The following ADAMTSL1 variants were observed in gnomAD, a reference collection of about 807,000 sequenced individuals.
The protein encoded by ADAMTSL1 is ADAMTS-like protein 1.
ADAMTSL1 carries 126 observed loss-of-function variants against 201.8 expected under a neutral mutation model. That is an observed-to-expected ratio of 0.62 (90% confidence interval 0.54 to 0.72). The LOEUF (loss-of-function observed/expected upper bound fraction) is 0.72, where lower values mean the gene tolerates loss of function less well. Ranked by LOEUF, ADAMTSL1 falls within the 30% of genes least tolerant of loss-of-function variation. The pLI is 0.00. For synonymous variants in ADAMTSL1, 1,121 were observed against 903.4 expected (o/e 1.24, Z -4.32); for missense variants, 2,679 against 2,277.8 (o/e 1.18, Z -3.59).
chr9:18,414,314 G>A (rs554332107), intron 2 of ADAMTSL1, among the ~76,000 whole-genome samples: 2 of 152,204 alleles, frequency 1.3e-5, no homozygotes, highest in African/African-American at 4.8e-5. Flanking sequence ...TACTGTAATG[G>A]AAAAGTAATC....
At chr9:18,284,775 T>C (rs1315356423) in intron 2 of ADAMTSL1, among the ~76,000 whole-genome samples, 1 of 152,258 alleles carries the variant, frequency 6.6e-6, no homozygotes, top group African/African-American at 2.4e-5. Context: ...TGGATATTTA[T>C]TTTTTATCCA....
intron 7 of ADAMTSL1, among the ~76,000 whole-genome samples, chr9:18,653,651 C>A (rs1158978120): frequency 6.6e-6 from 1 of 150,790 alleles, no homozygotes; most frequent in African/African-American, 2.4e-5. Context: ...GAGCTAGGGG[C>A]CTATGGGCTG....
At chr9:18,192,403 A>T (rs956500194) in intron 2 of ADAMTSL1, among the ~76,000 whole-genome samples, 1 of 152,166 alleles carries the variant, frequency 6.6e-6, no homozygotes, top group East Asian at 1.9e-4. Flanking sequence ...CTAGATTATG[A>T]TTATAAACAG....
intron 7 of ADAMTSL1, among the ~76,000 whole-genome samples, chr9:18,649,394 A>T (rs1828045864): frequency 6.6e-6 from 1 of 152,130 alleles, no homozygotes; most frequent in African/African-American, 2.4e-5. Flanking sequence ...AACTCGTCAA[A>T]GTCATTCTCT....
intron 2 of ADAMTSL1, among the ~76,000 whole-genome samples, chr9:18,227,139 C>A (rs1830458387): frequency 6.6e-6 from 1 of 152,230 alleles, no homozygotes; most frequent in East Asian, 1.9e-4. Context: ...ATTACCCATA[C>A]CTCAAAACAC....
chr9:18,122,287 A>G (rs1466366992), intron 1 of ADAMTSL1, among the ~76,000 whole-genome samples: 2 of 152,246 alleles, frequency 1.3e-5, no homozygotes, highest in African/African-American at 4.8e-5. Flanking sequence ...ACTCATGAAT[A>G]GATACACCAT....
At chr9:18,736,070 A>C (rs73417125) in intron 15 of ADAMTSL1, among the ~76,000 whole-genome samples, 5,397 of 152,212 alleles carry the variant, frequency 0.035, 111 homozygotes, top group African/African-American at 0.055. Flanking sequence ...ACAGAAGGAA[A>C]CTGATATAAA....
At chr9:18,739,693 G>T (rs1468938847) in intron 15 of ADAMTSL1, among the ~76,000 whole-genome samples, 1 of 152,138 alleles carries the variant, frequency 6.6e-6, no homozygotes, top group Non-Finnish European at 1.5e-5. Flanking sequence ...TTTGTGGAAA[G>T]CCTCATTCTC....
intron 1 of ADAMTSL1, among the ~76,000 whole-genome samples, chr9:18,160,596 C>A (rs1199910589): frequency 6.6e-6 from 1 of 151,836 alleles, no homozygotes; most frequent in Non-Finnish European, 1.5e-5. Flanking sequence ...TGTAAAGTAA[C>A]CATGTTTTCC....
intron 3 of ADAMTSL1, among the ~76,000 whole-genome samples, chr9:18,550,923 G>C (rs74979040): frequency 0.024 from 3,607 of 151,918 alleles, 143 homozygotes; most frequent in African/African-American, 0.082. Flanking sequence ...CACAAGATAA[G>C]TTTACATTTT....
At chr9:18,242,927 A>C (rs1049111963) in intron 2 of ADAMTSL1, among the ~76,000 whole-genome samples, 1 of 152,200 alleles carries the variant, frequency 6.6e-6, no homozygotes, top group Non-Finnish European at 1.5e-5. Flanking sequence ...TACCCAAATC[A>C]ATATACAGAT....
chr9:18,149,905 A>G (rs141306571), intron 1 of ADAMTSL1, among the ~76,000 whole-genome samples: 50 of 152,172 alleles, frequency 3.3e-4, no homozygotes, highest in African/African-American at 1.0e-3. Flanking sequence ...TAGAGGGAAA[A>G]GAAAAGACAG....
chr9:18,009,714 G>C (rs907463687), intron 1 of ADAMTSL1, among the ~76,000 whole-genome samples: 3 of 152,016 alleles, frequency 2.0e-5, no homozygotes, highest in Admixed American at 6.6e-5. Flanking sequence ...ACACAGGCTA[G>C]AGGCATAGGC....
chr9:18,053,314 G>A (rs1203454784), intron 1 of ADAMTSL1, among the ~76,000 whole-genome samples: 1 of 151,818 alleles, frequency 6.6e-6, no homozygotes, highest in Non-Finnish European at 1.5e-5. Flanking sequence ...AGACATACCT[G>A]TCATTACTCA....
chr9:17,953,357 GAAC>G (rs1468541830), intron 1 of ADAMTSL1, among the ~76,000 whole-genome samples: 1 of 152,156 alleles, frequency 6.6e-6, no homozygotes, highest in East Asian at 1.9e-4. Flanking sequence ...ACTGAGAAGG[GAAC>G]AACTGAGCTT....
At chr9:17,909,112 A>T in intron 1 of ADAMTSL1, among the ~76,000 whole-genome samples, 1 of 147,204 alleles carries the variant, frequency 6.8e-6, no homozygotes, top group Non-Finnish European at 1.5e-5. Context: ...GGCTGCATAA[A>T]TGTCTTCTTT....
At chr9:18,801,436 C>T (rs1333607228) in intron 20 of ADAMTSL1, among the ~76,000 whole-genome samples, 1 of 152,122 alleles carries the variant, frequency 6.6e-6, no homozygotes, top group Non-Finnish European at 1.5e-5. Flanking sequence ...CAGGTAAACT[C>T]ATGTCACAGG....
chr9:18,540,151 A>G (rs1313023750), intron 3 of ADAMTSL1, among the ~76,000 whole-genome samples: 1 of 152,244 alleles, frequency 6.6e-6, no homozygotes, highest in Admixed American at 6.5e-5. Flanking sequence ...AGTAGAGTCA[A>G]CAATATCCAC....
In ADAMTSL1 at chr9:18,831,641, T is replaced by C. The variant is rs61096214; in HGVS notation, c.4249+1664T>C. Among the ~76,000 whole-genome samples, 945 of 152,358 alleles carry C rather than the reference T, an allele frequency of 6.2e-3. 15 individuals carry two copies. The highest frequency in any genetic ancestry group is 0.022 in the African/African-American group (905 of 41,590). Reference sequence around the variant, plus strand: ...TGCTAGTTTGTGGTGCTTTGTTACCTTAGGCTGGTATTTAAATCCAGCAGT... The same window carrying C: ...TGCTAGTTTGTGGTGCTTTGTTACCCTAGGCTGGTATTTAAATCCAGCAGT... On this transcript the variant is annotated intron_variant, in intron 23 of 28. Transcript: ENST00000380548.
Sources: allele counts gnomAD v4.1 joint callset (sites outside exome capture counted in the v4.1 genomes callset), GRCh38; gene constraint gnomAD v4.1.1; transcripts MANE v1.5; gene names NCBI Gene and HGNC (gene_info 2026-07-23, HGNC 2026-07-21).